PLCL1: variants seen among roughly 807,000 people sequenced by gnomAD.
The protein encoded by PLCL1 is inactive phospholipase C-like protein 1.
A neutral mutation model predicts 84.4 loss-of-function variants in PLCL1; 41 were observed. The ratio of observed to expected loss-of-function variants is 0.49; its 90% CI spans 0.38 to 0.63. The LOEUF (loss-of-function observed/expected upper bound fraction) is 0.63, where lower values mean the gene tolerates loss of function less well. Ranked by LOEUF, PLCL1 falls within the 30% of genes least tolerant of loss-of-function variation. The probability of loss-of-function intolerance (pLI) is 0.00; values close to 1 mark genes in which losing one functional copy is unlikely to be tolerated. For missense variants in PLCL1, 1,206 were observed against 1,367.8 expected (o/e 0.88, Z 1.87); for synonymous variants, 490 against 488.3 (o/e 1.00, Z -0.05).
chr2:197,907,641 T>C (rs1688411182), intron 1 of PLCL1, among the ~76,000 whole-genome samples: 1 of 152,234 alleles, frequency 6.6e-6, no homozygotes, highest in Admixed American at 6.5e-5. Flanking sequence ...AGGTTGGCAC[T>C]GTGTTCCAGT....
intron 1 of PLCL1, among the ~76,000 whole-genome samples, chr2:197,829,454 A>C (rs970927820): frequency 1.3e-5 from 2 of 152,136 alleles, no homozygotes; most frequent in Non-Finnish European, 2.9e-5. Flanking sequence ...TATTATGTTG[A>C]ATTTATGCAT....
At chr2:198,124,061 T>C (rs546642213) in intron 5 of PLCL1, among the ~76,000 whole-genome samples, 1 of 152,232 alleles carries the variant, frequency 6.6e-6, no homozygotes, top group Admixed American at 6.5e-5. Flanking sequence ...TTGAGTTTCC[T>C]AGTGCAAAAC....
chr2:198,045,340 G>A lies in PLCL1; in HGVS notation c.241-38418G>A, dbSNP rs1409635516. 4.6e-5 allele frequency among the ~76,000 whole-genome samples: 7 copies of A among 152,042 alleles called. No homozygotes were observed. In the South Asian group the frequency reaches 6.2e-4, roughly 13 times the overall value. ...GACAGATTTGCTTTAATCTCCCAGT[G>A]TTTATTCAGTTTCATTTAATATTGT... On this transcript the variant is annotated intron_variant, in intron 1 of 5. Coordinates refer to ENST00000428675, the MANE Select transcript of PLCL1 (RefSeq NM_006226.4).
intron 1 of PLCL1, among the ~76,000 whole-genome samples, chr2:197,975,334 T>A (rs1689957792): frequency 6.6e-6 from 1 of 152,080 alleles, no homozygotes; most frequent in South Asian, 2.1e-4. Context: ...ACATGGCTAG[T>A]AAATTACAAA....
intron 1 of PLCL1, among the ~76,000 whole-genome samples, chr2:197,984,426 A>G (rs1478390907): frequency 6.6e-6 from 1 of 151,902 alleles, no homozygotes; most frequent in Non-Finnish European, 1.5e-5. Context: ...TCTGATTTCC[A>G]AGGAAGTTGA....
At chr2:198,088,811 A>G (rs1236986526) in intron 2 of PLCL1, 47 bp from the exon 3 acceptor site, 2 of 1,075,890 alleles carry the variant, frequency 1.9e-6, no homozygotes, top group Admixed American at 1.7e-5. Flanking sequence ...GCTGGCGGTG[A>G]TGTGTCAGGT....
chr2:197,905,967 C>T (rs1688373005), intron 1 of PLCL1, among the ~76,000 whole-genome samples: 1 of 152,064 alleles, frequency 6.6e-6, no homozygotes. Flanking sequence ...TGGATATTAG[C>T]CCTTTGTCAG....
intron 1 of PLCL1, among the ~76,000 whole-genome samples, chr2:198,021,147 T>A (rs1691123424): frequency 6.6e-6 from 1 of 152,170 alleles, no homozygotes. Flanking sequence ...CCTGAATGAC[T>A]ACTGGGTAAA....
rs550381201 is a variant in PLCL1 at position 198,054,486 on chromosome 2, G to T, written c.241-29272G>T. The stretch of plus-strand genomic sequence containing the variant: ...AGCAGTGTGTGGCCCAGAAGGGAAT[G>T]CCCCCTGGTGGCTTGCTAAGCCTGG... On this transcript the variant is annotated intron_variant, in intron 1 of 5. Transcript: ENST00000428675. 2.0e-5 allele frequency among the ~76,000 whole-genome samples: 3 copies of T among 152,326 alleles called. No individual in the cohort carries two copies. The South Asian group carries it at 6.2e-4, about 32-fold the overall frequency.
At chr2:198,079,525 G>A (rs927941837) in intron 1 of PLCL1, among the ~76,000 whole-genome samples, 16 of 152,012 alleles carry the variant, frequency 1.1e-4, no homozygotes, top group African/African-American at 3.4e-4. Context: ...TGATATAAAT[G>A]TAATAGAAAC....
At chr2:197,998,128 CTATT>C (rs768158410) in intron 1 of PLCL1, among the ~76,000 whole-genome samples, 23 of 148,806 alleles carry the variant, frequency 1.5e-4, no homozygotes, top group Non-Finnish European at 2.8e-4. Flanking sequence ...GAAACTGTGC[CTATT>C]TATTCAGTTT....
At chr2:197,858,382 A>G (rs1324224331) in intron 1 of PLCL1, among the ~76,000 whole-genome samples, 1 of 152,134 alleles carries the variant, frequency 6.6e-6, no homozygotes, top group African/African-American at 2.4e-5. Flanking sequence ...AAAGGGCCTG[A>G]GCCATGTGTT....
rs1693989739 is a variant in PLCL1, at chr2:198,126,548, G to A, written c.3106-20232G>A. On this transcript the variant is annotated intron_variant, in intron 5 of 5. Transcript: ENST00000428675. ...ACGTTAGCGCTGAGCTCATAACCAT[G>A]ACGTCAACCTAGATTCCAAATCTAG... Among the ~76,000 whole-genome samples, 3 of 152,122 alleles carry A rather than the reference G, an allele frequency of 2.0e-5. No homozygotes were observed. In the South Asian group the frequency reaches 6.2e-4, roughly 32 times the overall value.
intron 1 of PLCL1, among the ~76,000 whole-genome samples, chr2:197,990,468 A>G (rs191135252): frequency 1.6e-4 from 24 of 152,326 alleles, no homozygotes; most frequent in African/African-American, 5.1e-4. Context: ...CTATGAAGAA[A>G]TACCTAAGTG....
At chr2:197,915,125 C>G (rs1401094) in intron 1 of PLCL1, among the ~76,000 whole-genome samples, 1 of 151,628 alleles carries the variant, frequency 6.6e-6, no homozygotes, top group African/African-American at 2.4e-5. Context: ...CAGTTTGCAG[C>G]TCAGGTAAGA....
intron 2 of PLCL1, among the ~76,000 whole-genome samples, chr2:198,087,264 G>T (rs980979561): frequency 2.0e-5 from 3 of 151,982 alleles, no homozygotes; most frequent in African/African-American, 7.2e-5. Context: ...TAAAATTAGG[G>T]TATATGGAAA....
At position 198,008,886 on chromosome 2, in the gene PLCL1, G is replaced by A. The variant is rs1690798975; in HGVS notation, c.241-74872G>A. Among the ~76,000 whole-genome samples, 3 of 151,720 alleles carry A rather than the reference G, an allele frequency of 2.0e-5. No individual in the cohort carries two copies. In the South Asian group the frequency reaches 6.2e-4, roughly 32 times the overall value. ...GCTTGGTATTTTACGCTCTTTTGAT[G>A]GTGACCATCCTGATGAGTATGAGGT... is the stretch of plus-strand genomic sequence containing the variant. On this transcript the variant is annotated intron_variant, in intron 1 of 5. Coordinates refer to ENST00000428675, the MANE Select transcript of PLCL1 (RefSeq NM_006226.4).
At chr2:197,810,181 C>A in intron 1 of PLCL1, 1 of 459,946 alleles carries the variant, frequency 2.2e-6, no homozygotes, top group Non-Finnish European at 3.5e-6. Context: ...ATCCCCACAA[C>A]TTCAGTTAGA....
At chr2:198,049,596 C>T (rs1379907806) in intron 1 of PLCL1, among the ~76,000 whole-genome samples, 1 of 152,084 alleles carries the variant, frequency 6.6e-6, no homozygotes, top group African/African-American at 2.4e-5. Flanking sequence ...TGGTGCTGTC[C>T]AATACTCCAG....
Sources: allele counts gnomAD v4.1 joint callset (sites outside exome capture counted in the v4.1 genomes callset), GRCh38; gene constraint gnomAD v4.1.1; transcripts MANE v1.5; gene names NCBI Gene and HGNC (gene_info 2026-07-23, HGNC 2026-07-21).